GLRB: variants seen among roughly 807,000 people sequenced by gnomAD.
GLRB encodes the protein glycine receptor subunit beta.
A neutral mutation model predicts 54.2 loss-of-function variants in GLRB; 33 were observed. That is an observed-to-expected ratio of 0.61 (90% confidence interval 0.46 to 0.81). The LOEUF is 0.81. Ranked by LOEUF, GLRB falls within the 40% of genes least tolerant of loss-of-function variation. The pLI, the probability that GLRB is intolerant of heterozygous loss-of-function variation, is 0.00. For synonymous variants in GLRB, 209 were observed against 208.2 expected (o/e 1.00, Z -0.03); for missense variants, 572 against 584.6 (o/e 0.98, Z 0.22).
chr4:157,122,618 T>G (rs981047553), intron 4 of GLRB, among the ~76,000 whole-genome samples: 3 of 151,724 alleles, frequency 2.0e-5, no homozygotes, highest in African/African-American at 7.2e-5. Flanking sequence ...CTTACAGACT[T>G]AAAAGAATTG....
Position 157,078,296 on chromosome 4 carries a change from G to A in GLRB, c.122+150G>A, listed in dbSNP as rs76888800. 9,408 of 1,364,890 alleles carry A rather than the reference G, an allele frequency of 6.9e-3. 347 individuals carry two copies. The East Asian group carries it at 0.12, about 18-fold the overall frequency. The allele number at this position is 1,364,890 out of a possible 1,614,324, so 84.5% of individuals were successfully genotyped here. On this transcript the variant is annotated intron_variant, in intron 2 of 9. Transcript: ENST00000264428. ...ACAGAGACAGAAAATGATAGGGTGAGGAGAGGTTTAGAATGTAAGAATTAA... is the reference window on the plus strand; with the variant it reads ...ACAGAGACAGAAAATGATAGGGTGAAGAGAGGTTTAGAATGTAAGAATTAA...
At chr4:157,166,231 A>G (rs1737702209) in intron 9 of GLRB, among the ~76,000 whole-genome samples, 1 of 152,078 alleles carries the variant, frequency 6.6e-6, no homozygotes, top group South Asian at 2.1e-4. Flanking sequence ...AGTAAATGAG[A>G]CACATATTTG....
At chr4:157,087,673 G>GGTA (rs139032036) in intron 2 of GLRB, among the ~76,000 whole-genome samples, 6,865 of 152,022 alleles carry the variant, frequency 0.045, 177 homozygotes, top group South Asian at 0.11. Flanking sequence ...TCAAAACATA[G>GGTA]GTATTTAACT....
At chr4:157,096,625 A>G (rs1331029604) in intron 2 of GLRB, among the ~76,000 whole-genome samples, 1 of 152,194 alleles carries the variant, frequency 6.6e-6, no homozygotes, top group East Asian at 1.9e-4. Context: ...GTTGCCTCCT[A>G]TAGCCTGAGT....
At chr4:157,136,244 A>G (rs1736394082) in intron 4 of GLRB, 1 of 524,712 alleles carries the variant, frequency 1.9e-6, no homozygotes, top group South Asian at 2.4e-5. Context: ...TTGAGCTAGC[A>G]AGTGCTACGG....
At chr4:157,120,794 C>CA (rs1226989052) in intron 3 of GLRB, 132 bp downstream of exon 3, 1 of 520,802 alleles carries the variant, frequency 1.9e-6, no homozygotes, top group Non-Finnish European at 3.6e-6. Context: ...TGATATATAA[C>CA]AAAAATGTCC....
intron 9 of GLRB, among the ~76,000 whole-genome samples, chr4:157,164,794 T>C (rs886326509): frequency 6.6e-6 from 1 of 152,108 alleles, no homozygotes; most frequent in African/African-American, 2.4e-5. Context: ...TTTATGAACA[T>C]GGATAGCAAG....
intron 2 of GLRB, among the ~76,000 whole-genome samples, chr4:157,098,444 T>C (rs917831297): frequency 6.6e-6 from 1 of 152,126 alleles, no homozygotes; most frequent in African/African-American, 2.4e-5. Flanking sequence ...TTTATAGCAA[T>C]AAATGAGTCT....
chr4:157,148,869 A>T (rs1736914499), intron 8 of GLRB, among the ~76,000 whole-genome samples: 5 of 152,058 alleles, frequency 3.3e-5, no homozygotes, highest in Admixed American at 3.3e-4. Context: ...GCTCTGTTGA[A>T]ATCTTTTATC....
intron 2 of GLRB, among the ~76,000 whole-genome samples, chr4:157,102,047 T>C (rs1735050910): frequency 1.3e-5 from 2 of 152,150 alleles, no homozygotes; most frequent in South Asian, 4.1e-4. Flanking sequence ...CCCAATTGGT[T>C]CAGTAAAAAG....
intron 2 of GLRB, among the ~76,000 whole-genome samples, chr4:157,085,712 T>A (rs1734385519): frequency 6.6e-6 from 1 of 152,032 alleles, no homozygotes. Context: ...TTAGCCAGGA[T>A]GGTCTCGATC....
chr4:157,156,799 C>A (rs754988218), intron 9 of GLRB, among the ~76,000 whole-genome samples: 3 of 152,252 alleles, frequency 2.0e-5, no homozygotes, highest in South Asian at 4.1e-4. Context: ...AGTTTGAAAT[C>A]TTTTGTTATA....
intron 4 of GLRB, among the ~76,000 whole-genome samples, chr4:157,130,705 A>G (rs1425718006): frequency 2.0e-5 from 3 of 151,686 alleles, no homozygotes; most frequent in Non-Finnish European, 4.4e-5. Context: ...GTTGCTATGA[A>G]CATGGGTGTA....
intron 2 of GLRB, among the ~76,000 whole-genome samples, chr4:157,102,525 T>C (rs1386345505): frequency 6.6e-6 from 1 of 152,190 alleles, no homozygotes; most frequent in Non-Finnish European, 1.5e-5. Context: ...TTCCTTCTTT[T>C]TAAAGGCTAA....
intron 9 of GLRB, among the ~76,000 whole-genome samples, chr4:157,165,698 C>T (rs1210035383): frequency 6.6e-6 from 1 of 151,708 alleles, no homozygotes; most frequent in Non-Finnish European, 1.5e-5. Context: ...TTTGTTTGTT[C>T]ATTCATGTAT....
intron 9 of GLRB, among the ~76,000 whole-genome samples, chr4:157,165,561 A>G (rs1215082886): frequency 6.6e-6 from 1 of 152,054 alleles, no homozygotes. Flanking sequence ...TATAGCTTTT[A>G]CTATGAGGTT....
chr4:157,109,272 T>C (rs1735334385), intron 2 of GLRB, among the ~76,000 whole-genome samples: 1 of 152,070 alleles, frequency 6.6e-6, no homozygotes. Flanking sequence ...TTTTATCTTT[T>C]TGGGGGCTTT....
intron 7 of GLRB, among the ~76,000 whole-genome samples, chr4:157,141,017 C>A (rs1736590448): frequency 6.6e-6 from 1 of 151,716 alleles, no homozygotes; most frequent in African/African-American, 2.4e-5. Context: ...AAGGTCCCTG[C>A]CCTTTAGAGA....
chr4:157,125,604 C>T (rs1735988419), intron 4 of GLRB, among the ~76,000 whole-genome samples: 1 of 151,586 alleles, frequency 6.6e-6, no homozygotes, highest in African/African-American at 2.4e-5. Context: ...TATTACTAGC[C>T]TCCTAGAAAT....
Sources: gnomAD v4.1 joint callset for allele counts (sites outside exome capture counted in the v4.1 genomes callset) on GRCh38, gnomAD v4.1.1 for gene constraint, MANE v1.5 for transcripts, NCBI Gene and HGNC (gene_info 2026-07-23, HGNC 2026-07-21) for gene names.